The following LRMDA variants were observed in gnomAD, a reference collection of about 807,000 sequenced individuals.
LRMDA encodes the protein leucine-rich melanocyte differentiation-associated protein.
In LRMDA, 18 loss-of-function variants were observed where a neutral mutation model predicts 29.8. The ratio of observed to expected loss-of-function variants is 0.60; its 90% CI spans 0.42 to 0.90. The LOEUF is 0.90. LRMDA is among the 40% of genes least tolerant of loss of function. The pLI is 0.00. For missense variants in LRMDA, 273 were observed against 273.9 expected, an observed-to-expected ratio of 1.00 and a Z score of 0.02; for synonymous variants, 125 against 109.4, an observed-to-expected ratio of 1.14 and a Z score of -0.89.
intron 2 of LRMDA, among the ~76,000 whole-genome samples, chr10:75,907,819 C>T (rs1335812451): frequency 6.6e-6 from 1 of 152,170 alleles, no homozygotes; most frequent in Non-Finnish European, 1.5e-5. Context: ...AGTGTCTCAG[C>T]TCCCCACTGT....
intron 2 of LRMDA, among the ~76,000 whole-genome samples, chr10:75,937,481 G>A (rs1363245873): frequency 6.6e-6 from 1 of 152,168 alleles, no homozygotes; most frequent in East Asian, 1.9e-4. Context: ...CATTTGAATT[G>A]TTTGAGCATG....
intron 2 of LRMDA, among the ~76,000 whole-genome samples, chr10:75,613,741 G>C (rs188813261): frequency 6.6e-6 from 1 of 152,150 alleles, no homozygotes; most frequent in Admixed American, 6.5e-5. Context: ...ACTGACATAT[G>C]GATGTGATCT....
At chr10:76,057,957 C>T (rs924209340) in intron 4 of LRMDA, among the ~76,000 whole-genome samples, 4 of 152,210 alleles carry the variant, frequency 2.6e-5, no homozygotes, top group South Asian at 2.1e-4. Flanking sequence ...CAGTTAATTA[C>T]ACTAGCAGCC....
chr10:75,865,171 G>A (rs1224359158), intron 2 of LRMDA, among the ~76,000 whole-genome samples: 1 of 152,158 alleles, frequency 6.6e-6, no homozygotes, highest in Non-Finnish European at 1.5e-5. Flanking sequence ...GGTGAAATAA[G>A]TCATACACAA....
chr10:76,150,080 G>T (rs964489070), intron 5 of LRMDA, among the ~76,000 whole-genome samples: 3 of 152,160 alleles, frequency 2.0e-5, no homozygotes, highest in Admixed American at 2.0e-4. Context: ...CTGTCTCCTT[G>T]GGGGGAAGTT....
At chr10:75,835,957 T>C (rs1844427699) in intron 2 of LRMDA, among the ~76,000 whole-genome samples, 3 of 152,172 alleles carry the variant, frequency 2.0e-5, no homozygotes, top group Non-Finnish European at 4.4e-5. Flanking sequence ...GCCTTTTACA[T>C]ACAGTAGATG....
At chr10:76,325,644 A>T (rs1840824944) in intron 6 of LRMDA, among the ~76,000 whole-genome samples, 1 of 152,064 alleles carries the variant, frequency 6.6e-6, no homozygotes, top group Non-Finnish European at 1.5e-5. Flanking sequence ...TCATATCCTC[A>T]TGTGTTTATT....
At chr10:75,689,019 T>C (rs1003784667) in intron 2 of LRMDA, among the ~76,000 whole-genome samples, 2 of 151,436 alleles carry the variant, frequency 1.3e-5, no homozygotes, top group Non-Finnish European at 2.9e-5. Context: ...AACTTTTATA[T>C]GTATGGGGAA....
chr10:75,542,605 G>A (rs987218106), intron 2 of LRMDA, among the ~76,000 whole-genome samples: 1 of 152,178 alleles, frequency 6.6e-6, no homozygotes, highest in African/African-American at 2.4e-5. Flanking sequence ...AGAGCTGATT[G>A]CGAATATTTA....
intron 2 of LRMDA, among the ~76,000 whole-genome samples, chr10:75,447,106 A>G (rs1253786744): frequency 6.6e-6 from 1 of 152,254 alleles, no homozygotes; most frequent in Non-Finnish European, 1.5e-5. Context: ...TTTTCAATGT[A>G]GTTCTAGGGC....
intron 5 of LRMDA, among the ~76,000 whole-genome samples, chr10:76,237,494 A>G (rs924735877): frequency 6.6e-6 from 1 of 152,186 alleles, no homozygotes; most frequent in African/African-American, 2.4e-5. Flanking sequence ...AAGAGAACAT[A>G]AGGAAAACTT....
At chr10:75,693,320 T>G (rs1842194392) in intron 2 of LRMDA, among the ~76,000 whole-genome samples, 1 of 152,178 alleles carries the variant, frequency 6.6e-6, no homozygotes, top group Non-Finnish European at 1.5e-5. Flanking sequence ...AGAACCACAA[T>G]GTAGCTAAAT....
chr10:76,551,970 C>T (rs1432262781), intron 6 of LRMDA, among the ~76,000 whole-genome samples: 5 of 152,114 alleles, frequency 3.3e-5, no homozygotes, highest in Non-Finnish European at 7.4e-5. Flanking sequence ...TGCCTCCATC[C>T]TAGGGGTAAT....
intron 2 of LRMDA, among the ~76,000 whole-genome samples, chr10:75,674,346 T>TTA (rs564479364): frequency 2.4e-4 from 37 of 152,036 alleles, no homozygotes; most frequent in African/African-American, 7.0e-4. Context: ...CAGTTGTTAT[T>TTA]TATATATATA....
At chr10:75,730,663 T>G (rs1430475469) in intron 2 of LRMDA, among the ~76,000 whole-genome samples, 1 of 152,192 alleles carries the variant, frequency 6.6e-6, no homozygotes, top group Non-Finnish European at 1.5e-5. Flanking sequence ...TCATAGAACC[T>G]GCTGGTTGTT....
In LRMDA at chr10:76,485,737, C is replaced by A. The variant is rs571465895; in HGVS notation, c.602-71472C>A. 1.1e-4 allele frequency among the ~76,000 whole-genome samples: 16 copies of A among 151,848 alleles called. No homozygotes were observed. In the South Asian group the frequency reaches 2.9e-3, roughly 28 times the overall value. On this transcript the variant is annotated intron_variant, in intron 6 of 6. Coordinates refer to ENST00000611255, the MANE Select transcript of LRMDA (RefSeq NM_001305581.2). ...GATTTGTTTGTGGGAGTCTTTATTTCTTCCTTACTATTGAAGGATAACTCC... is the reference window on the plus strand; with the variant it reads ...GATTTGTTTGTGGGAGTCTTTATTTATTCCTTACTATTGAAGGATAACTCC...
intron 5 of LRMDA, among the ~76,000 whole-genome samples, chr10:76,241,114 A>T (rs966918321): frequency 2.0e-5 from 3 of 151,914 alleles, no homozygotes; most frequent in African/African-American, 7.2e-5. Context: ...CTTGGGGGAA[A>T]GGTGGGTGGG....
At chr10:76,353,379 A>G (rs1300434895) in intron 6 of LRMDA, among the ~76,000 whole-genome samples, 1 of 151,402 alleles carries the variant, frequency 6.6e-6, no homozygotes, top group East Asian at 2.0e-4. Context: ...ATTGAGGCCA[A>G]TGTCATTGCC....
chr10:76,482,117 G>A (rs1202736632), intron 6 of LRMDA, among the ~76,000 whole-genome samples: 1 of 151,820 alleles, frequency 6.6e-6, no homozygotes, highest in Non-Finnish European at 1.5e-5. Context: ...ATCTTATCCA[G>A]TTTGGGCAAT....
Sources: allele counts gnomAD v4.1 joint callset (sites outside exome capture counted in the v4.1 genomes callset), GRCh38; gene constraint gnomAD v4.1.1; transcripts MANE v1.5; gene names NCBI Gene and HGNC (gene_info 2026-07-23, HGNC 2026-07-21).